FRRS1L: variants seen among roughly 807,000 people sequenced by gnomAD.
The protein encoded by FRRS1L is ferric chelate reductase 1 like.
FRRS1L carries 22 observed loss-of-function variants against 28.6 expected under a neutral mutation model. That is an observed-to-expected ratio of 0.77 (90% CI 0.55 to 1.10). The LOEUF (loss-of-function observed/expected upper bound fraction) is 1.10. Among genes scored for constraint, FRRS1L ranks in the 50% least tolerant of loss-of-function variants. The pLI, the probability that FRRS1L is intolerant of heterozygous loss-of-function variation, is 0.00. For synonymous variants in FRRS1L, 158 were observed against 151.4 expected (o/e 1.04, Z -0.32); for missense variants, 380 against 386.9 (o/e 0.98, Z 0.15).
At chr9:109,154,828 C>T (rs1831383119) in intron 1 of FRRS1L, among the ~76,000 whole-genome samples, 1 of 152,128 alleles carries the variant, frequency 6.6e-6, no homozygotes, top group African/African-American at 2.4e-5. Flanking sequence ...ACTGAAAGGA[C>T]ACATTAGCGA....
chr9:109,139,713 A>C (rs1831156447), intron 4 of FRRS1L: 2 of 152,216 alleles, frequency 1.3e-5, no homozygotes, highest in Admixed American at 6.5e-5. Flanking sequence ...CTGCAGAGCC[A>C]CTGTTGGTAA....
At chr9:109,145,808 G>A (rs757577415) in intron 3 of FRRS1L, among the ~76,000 whole-genome samples, 14 of 152,186 alleles carry the variant, frequency 9.2e-5, no homozygotes, top group Non-Finnish European at 1.8e-4. Flanking sequence ...CCAACAGGGT[G>A]TTGAAGCTCC....
rs938314592 is a variant in FRRS1L at position 109,132,295 on chromosome 9, C to G, written c.*5160G>C. On this transcript the variant is annotated 3_prime_UTR_variant, in exon 5 of 5. Coordinates refer to ENST00000561981, the MANE Select transcript of FRRS1L (RefSeq NM_014334.4). ...CGGCCGATACAACTTTTTAAAACAT[C>G]TCTAGGTTAATGAATTACTCTGAAA... The G allele has an allele frequency of 2.0e-5, 3 of 152,140 alleles. No homozygotes were observed. Among genetic ancestry groups the G allele is most frequent in the Non-Finnish European group, 4.4e-5 (3 of 68,042 alleles). 9.4% of individuals were successfully genotyped at this position (152,140 alleles called of 1,614,324 possible).
intron 1 of FRRS1L, among the ~76,000 whole-genome samples, chr9:109,160,462 G>GACAGTGGTATGAACATGGCT (rs1426140311): frequency 1.1e-4 from 2 of 19,030 alleles, no homozygotes; most frequent in East Asian, 3.3e-3. Flanking sequence ...CCAGACTGGA[G>GACAGTGGTATGAACATGGCT]CACAGCCTCG....
chr9:109,141,303 G>T (rs756532952), intron 4 of FRRS1L, 40 bp downstream of exon 4: 3 of 1,605,508 alleles, frequency 1.9e-6, no homozygotes, highest in African/African-American at 1.4e-5. Flanking sequence ...AAGCACAGTG[G>T]TGTCTGGCGT....
chr9:109,156,079 G>A (rs1248394028), intron 1 of FRRS1L, among the ~76,000 whole-genome samples: 1 of 152,112 alleles, frequency 6.6e-6, no homozygotes, highest in Non-Finnish European at 1.5e-5. Context: ...CAGAACTCAG[G>A]ATTCCCGGTA....
At chr9:109,152,740 C>T (rs1001403995) in intron 1 of FRRS1L, among the ~76,000 whole-genome samples, 21 of 126,966 alleles carry the variant, frequency 1.7e-4, no homozygotes, top group Admixed American at 1.9e-4. Context: ...GGAGGTGGAG[C>T]GTGCAGTGAG....
At chr9:109,156,066 A>G (rs1414400986) in intron 1 of FRRS1L, among the ~76,000 whole-genome samples, 1 of 152,208 alleles carries the variant, frequency 6.6e-6, no homozygotes, top group Non-Finnish European at 1.5e-5. Context: ...TCAAAATTGT[A>G]TCCAGAACTC....
In FRRS1L at chr9:109,134,008, A is replaced by G. The variant is rs1042017587; in HGVS notation, c.*3447T>C. ...TGTGAATTCTTATTTCTGAAAAATG[A>G]TTACTGTTAGTACTGTTACTAAGGA... On this transcript the variant is annotated 3_prime_UTR_variant, in exon 5 of 5. Transcript: ENST00000561981. 2 of 152,214 alleles carry G rather than the reference A, an allele frequency of 1.3e-5. No individual in the cohort carries two copies. Among genetic ancestry groups the G allele is most frequent in the South Asian group, 2.1e-4 (1 of 4,834 alleles). The allele number at this position is 152,214 out of a possible 1,614,324, so 9.4% of individuals were successfully genotyped here.
chr9:109,148,429 T>G (rs1221086551), intron 2 of FRRS1L: 1 of 152,142 alleles, frequency 6.6e-6, no homozygotes, highest in African/African-American at 2.4e-5. Flanking sequence ...AAACACAAAT[T>G]TAAATTTTCT....
intron 3 of FRRS1L, 50 bp from the exon 4 acceptor site, chr9:109,141,639 G>C (rs1267577226): frequency 1.3e-6 from 2 of 1,573,540 alleles, no homozygotes; most frequent in African/African-American, 2.7e-5. Flanking sequence ...TTCATCTTTT[G>C]CACACTGGTC....
chr9:109,135,903 C>T lies in FRRS1L; in HGVS notation c.*1552G>A, dbSNP rs956738197. On this transcript the variant is annotated 3_prime_UTR_variant, in exon 5 of 5. Transcript: ENST00000561981. ...AACTGTTGGCTTATTATTAAAATGC[C>T]CTAAATTTTTACTAAGATGTTTTGT... 7.9e-5 allele frequency: 12 copies of T among 152,040 alleles called. No individual in the cohort carries two copies. The South Asian group carries it at 1.5e-3, about 18-fold the overall frequency. The allele number at this position is 152,040 out of a possible 1,614,324, so 9.4% of individuals were successfully genotyped here. A position where few individuals can be genotyped will look rare whatever the true frequency, so the allele number is the denominator to read the frequency against.
In FRRS1L at chr9:109,149,622, G is replaced by A; in HGVS notation, c.323+14C>T. Reference sequence around the variant, plus strand: ...TCTTAGCCTTAAAGTTATCCAACCTGCAGTTCCACCAACCTAAAGCATCCC... The same window carrying A: ...TCTTAGCCTTAAAGTTATCCAACCTACAGTTCCACCAACCTAAAGCATCCC... On this transcript the variant is annotated intron_variant, in intron 2 of 4. Transcript: ENST00000561981. The A allele has an allele frequency of 6.4e-7, 1 of 1,569,078 alleles. No individual in the cohort carries two copies. The highest frequency in any genetic ancestry group is 8.8e-7 in the Non-Finnish European group (1 of 1,139,178).
intron 1 of FRRS1L, among the ~76,000 whole-genome samples, chr9:109,160,917 C>A (rs145560343): frequency 6.6e-5 from 10 of 151,864 alleles, no homozygotes; most frequent in African/African-American, 2.4e-4. Flanking sequence ...CTCAGCCTCC[C>A]GAGTAGCTGG....
Position 109,147,119 on chromosome 9 carries a change from C to A in FRRS1L, c.394G>T (p.Val132Leu), listed in dbSNP as rs748670055. ...FLSYRMIGAD[V>L]EFELSADTDG... ...GTGTCTGCACTCAGCTCAAATTCTA[C>A]ATCAGCCCCTATCATCCGGTAGCTG... Residue 132 changes from valine to leucine, a missense_variant, in exon 3 of 5, where the codon GTA (valine) becomes TTA (leucine). Val to Leu is a conservative substitution (Grantham distance 32, BLOSUM62 1). Transcript: ENST00000561981. 1 of 1,613,600 alleles carries A rather than the reference C, an allele frequency of 6.2e-7. No individual in the cohort carries two copies. Among genetic ancestry groups the A allele is most frequent in the Non-Finnish European group, 8.5e-7 (1 of 1,179,462 alleles).
At position 109,136,770 on chromosome 9, in the gene FRRS1L, G is replaced by C. The variant is rs564260433; in HGVS notation, c.*685C>G. On this transcript the variant is annotated 3_prime_UTR_variant, in exon 5 of 5. Coordinates refer to ENST00000561981, the MANE Select transcript of FRRS1L (RefSeq NM_014334.4). ...ACTCCTGACCTCAGGTGACCTGCCC[G>C]TCTTGGCCTCCTAAAGTGCTGGGAT... is the stretch of plus-strand genomic sequence containing the variant. 1 of 152,284 alleles carries C rather than the reference G, an allele frequency of 6.6e-6. No individual in the cohort carries two copies. Among genetic ancestry groups the C allele is most frequent in the African/African-American group, 2.4e-5 (1 of 41,556 alleles). 9.4% of individuals were successfully genotyped at this position (152,284 alleles called of 1,614,324 possible).
At position 109,132,019 on chromosome 9, in the gene FRRS1L, G is replaced by C. The variant is rs1415878592; in HGVS notation, c.*5436C>G. 1 of 143,838 alleles carries C rather than the reference G, an allele frequency of 7.0e-6. No homozygotes were observed. Among genetic ancestry groups the C allele is most frequent in the Non-Finnish European group, 1.6e-5 (1 of 62,980 alleles). The allele number at this position is 143,838 out of a possible 1,614,324, so 8.9% of individuals were successfully genotyped here. A position where few individuals can be genotyped will look rare whatever the true frequency, so the allele number is the denominator to read the frequency against. On this transcript the variant is annotated 3_prime_UTR_variant, in exon 5 of 5. Coordinates refer to ENST00000561981, the MANE Select transcript of FRRS1L (RefSeq NM_014334.4). ...GACGGAGTCTTGCTCTGTTACCCAGGCTGGAGTGCAGAGGGGCAATCTCGG... is the reference window on the plus strand; with the variant it reads ...GACGGAGTCTTGCTCTGTTACCCAGCCTGGAGTGCAGAGGGGCAATCTCGG...
At chr9:109,152,369 C>T (rs541254067) in intron 1 of FRRS1L, among the ~76,000 whole-genome samples, 3 of 151,790 alleles carry the variant, frequency 2.0e-5, no homozygotes, top group East Asian at 3.9e-4. Flanking sequence ...AGGCTGGTCT[C>T]GAACTGCTGA....
chr9:109,150,956 A>C (rs1330743588), intron 1 of FRRS1L: 1 of 152,138 alleles, frequency 6.6e-6, no homozygotes, highest in Admixed American at 6.5e-5. Flanking sequence ...CTATTTTATG[A>C]GTTTTTTTCT....
Sources: gnomAD v4.1 joint callset for allele counts (sites outside exome capture counted in the v4.1 genomes callset) on GRCh38, gnomAD v4.1.1 for gene constraint, MANE v1.5 for transcripts, NCBI Gene and HGNC (gene_info 2026-07-23, HGNC 2026-07-21) for gene names.